IRF2: variants seen among roughly 807,000 people sequenced by gnomAD.
IRF2 encodes interferon regulatory factor 2.
In IRF2, 15 loss-of-function variants were observed where a neutral mutation model predicts 40.6. The observed-to-expected ratio is 0.37, with a 90% CI of 0.25 to 0.57. IRF2 has a LOEUF of 0.57. Ranked by LOEUF, IRF2 falls within the 20% of genes least tolerant of loss-of-function variation. The pLI, the probability that IRF2 is intolerant of heterozygous loss-of-function variation, is 0.77. For synonymous variants in IRF2, 151 were observed against 165.5 expected (o/e 0.91, Z 0.67); for missense variants, 317 against 455.7 (o/e 0.70, Z 2.77).
chr4:184,398,732 T>C lies in IRF2; in HGVS notation c.694+183A>G, dbSNP rs554577144. Among the ~76,000 whole-genome samples the C allele has an allele frequency of 9.9e-5, 15 of 152,252 alleles. No individual in the cohort carries two copies. In the East Asian group the frequency reaches 2.7e-3, roughly 27 times the overall value. The stretch of plus-strand genomic sequence containing the variant: ...AAAGAAATGCTGTGATCCTGTCCTC[T>C]ACCTGAGAACAAAAGTGTCCAAGAA... On this transcript the variant is annotated intron_variant, in intron 7 of 8. Coordinates refer to ENST00000393593, the MANE Select transcript of IRF2 (RefSeq NM_002199.4).
chr4:184,395,362 G>A (rs570204496), intron 7 of IRF2, among the ~76,000 whole-genome samples: 67 of 124,904 alleles, frequency 5.4e-4, no homozygotes, highest in African/African-American at 8.1e-4. Flanking sequence ...GCAGTGAGCC[G>A]AGATCGCACC....
At chr4:184,395,280 G>A (rs1337005598) in intron 7 of IRF2, among the ~76,000 whole-genome samples, 1 of 152,092 alleles carries the variant, frequency 6.6e-6, no homozygotes, top group Non-Finnish European at 1.5e-5. Flanking sequence ...GGGCTTGGTT[G>A]TGGGTGCCTG....
intron 2 of IRF2, among the ~76,000 whole-genome samples, chr4:184,423,126 A>T (rs1428816757): frequency 5.9e-5 from 9 of 152,236 alleles, no homozygotes; most frequent in Non-Finnish European, 1.5e-5. Context: ...CATTCTGGTC[A>T]CAAGTTGTGT....
intron 1 of IRF2, among the ~76,000 whole-genome samples, chr4:184,437,478 C>A (rs1738125466): frequency 6.6e-6 from 1 of 152,176 alleles, no homozygotes; most frequent in South Asian, 2.1e-4. Flanking sequence ...AGGTTAGAGG[C>A]ATAAGTCACC....
intron 1 of IRF2, among the ~76,000 whole-genome samples, chr4:184,439,239 C>G (rs1194505996): frequency 6.6e-6 from 1 of 151,310 alleles, no homozygotes; most frequent in Non-Finnish European, 1.5e-5. Flanking sequence ...ACATCATAAC[C>G]CACCTTTATT....
intron 1 of IRF2, among the ~76,000 whole-genome samples, chr4:184,460,008 T>C (rs540996132): frequency 6.6e-6 from 1 of 152,150 alleles, no homozygotes; most frequent in African/African-American, 2.4e-5. Context: ...AGAATTGAAA[T>C]AACTGAAAGC....
chr4:184,396,464 C>T (rs369694086), intron 7 of IRF2, among the ~76,000 whole-genome samples: 2 of 149,612 alleles, frequency 1.3e-5, no homozygotes, highest in African/African-American at 4.9e-5. Context: ...GACAGGATCT[C>T]GCTCTGTCAC....
intron 5 of IRF2, among the ~76,000 whole-genome samples, chr4:184,414,300 T>C (rs138399537): frequency 4.6e-5 from 7 of 152,382 alleles, no homozygotes; most frequent in African/African-American, 7.2e-5. Flanking sequence ...AACATATACA[T>C]GCACTGATGA....
chr4:184,388,838 T>C lies in IRF2; in HGVS notation c.970A>G (p.Ser324Gly). ...SSSMTPASSSSRPDRETRASV... is the reference protein window; with the variant it reads ...SSSMTPASSSGRPDRETRASV... Reference sequence around the variant, plus strand: ...GCCCGGGTCTCCCGGTCTGGCCGACTGCTGCTGGATGCTGGGGTCATGGAG... The same window carrying C: ...GCCCGGGTCTCCCGGTCTGGCCGACCGCTGCTGGATGCTGGGGTCATGGAG... The change falls in exon 9 of 9, where the codon AGT becomes GGT. Residue 324 changes from serine (S) to glycine (G), a missense_variant. Ser to Gly is a moderately conservative substitution (Grantham distance 56). Around this residue, in one of 2 missense-constraint regions of IRF2, gnomAD observed 262 missense variants for 334.0 expected, o/e 0.78. Transcript: ENST00000393593. This position sits in a 1 kb window ranked among gnomAD's most constrained non-coding sequence, Gnocchi z 4.6. 1 of 1,614,050 alleles carries C rather than the reference T, an allele frequency of 6.2e-7. No individual in the cohort carries two copies. The highest frequency in any genetic ancestry group is 1.3e-5 in the African/African-American group (1 of 75,008).
intron 2 of IRF2, among the ~76,000 whole-genome samples, chr4:184,427,878 C>A (rs1355400839): frequency 4.6e-5 from 7 of 151,916 alleles, no homozygotes; most frequent in Admixed American, 6.6e-5. Context: ...TTCATTGTGT[C>A]CTTAAGATTA....
intron 1 of IRF2, among the ~76,000 whole-genome samples, chr4:184,436,295 A>C (rs1156505055): frequency 5.9e-5 from 9 of 152,096 alleles, no homozygotes; most frequent in Admixed American, 5.9e-4. Context: ...TTTTCTTATT[A>C]CCCAGTCACC....
chr4:184,455,275 C>CCCCCTTCCCT (rs1738878650), intron 1 of IRF2, among the ~76,000 whole-genome samples: 1 of 74,434 alleles, frequency 1.3e-5, no homozygotes, highest in Non-Finnish European at 2.8e-5. Flanking sequence ...CCCTCTCCCT[C>CCCCCTTCCCT]CCCTCCCCCT....
intron 5 of IRF2, among the ~76,000 whole-genome samples, chr4:184,412,171 C>A (rs1014660014): frequency 2.0e-5 from 3 of 152,160 alleles, no homozygotes; most frequent in Non-Finnish European, 2.9e-5. Flanking sequence ...GCTCAAGAAC[C>A]TTTGCTATAA....
intron 1 of IRF2, among the ~76,000 whole-genome samples, chr4:184,460,665 GCACACACACACACA>G (rs1561128440): frequency 8.2e-5 from 9 of 110,350 alleles, no homozygotes; most frequent in East Asian, 5.8e-4. Flanking sequence ...ACATGCACGC[GCACACACACACACA>G]TGCACGCACA....
At chr4:184,470,435 C>T (rs1739472886) in intron 1 of IRF2, among the ~76,000 whole-genome samples, 1 of 152,150 alleles carries the variant, frequency 6.6e-6, no homozygotes, top group Non-Finnish European at 1.5e-5. Context: ...AATCCCAGAA[C>T]TTCAGAAGGC....
chr4:184,471,008 G>A (rs1739496623), intron 1 of IRF2, among the ~76,000 whole-genome samples: 1 of 152,092 alleles, frequency 6.6e-6, no homozygotes, highest in Non-Finnish European at 1.5e-5. Flanking sequence ...GTTATTCCAT[G>A]TTTAATCTTT....
At chr4:184,444,453 G>A (rs758258342) in intron 1 of IRF2, among the ~76,000 whole-genome samples, 4 of 152,164 alleles carry the variant, frequency 2.6e-5, no homozygotes, top group East Asian at 3.9e-4. Flanking sequence ...GATAACTTCC[G>A]CATGGTTTGC....
At chr4:184,395,002 C>A (rs976158338) in intron 7 of IRF2, among the ~76,000 whole-genome samples, 1 of 152,106 alleles carries the variant, frequency 6.6e-6, no homozygotes, top group African/African-American at 2.4e-5. Flanking sequence ...GACAGACTTG[C>A]AAAACTGAAT....
At chr4:184,421,954 G>C (rs1218500943) in intron 2 of IRF2, among the ~76,000 whole-genome samples, 1 of 152,128 alleles carries the variant, frequency 6.6e-6, no homozygotes, top group Non-Finnish European at 1.5e-5. Flanking sequence ...TTGGGTCATG[G>C]GGCAGGATCC....
Sources: gnomAD v4.1 joint callset for allele counts (sites outside exome capture counted in the v4.1 genomes callset) on GRCh38, gnomAD v4.1.1 for gene constraint, gnomAD v4.1.1 regional missense constraint, Gnocchi (gnomAD v3.1) non-coding constraint, MANE v1.5 for transcripts, NCBI Gene and HGNC (gene_info 2026-07-23, HGNC 2026-07-21) for gene names.